Variants in MTA1 observed in about 807,000 individuals in gnomAD.
MTA1 encodes the protein metastasis-associated protein MTA1.
MTA1 carries 15 observed loss-of-function variants against 97.0 expected under a neutral mutation model. That is an observed-to-expected ratio of 0.15 (90% confidence interval 0.10 to 0.24). MTA1 has a LOEUF of 0.24. Ranked by LOEUF, MTA1 falls within the 10% of genes least tolerant of loss-of-function variation. MTA1 has a pLI of 1.00. For synonymous variants in MTA1, 435 were observed against 417.5 expected, an observed-to-expected ratio of 1.04 and a Z score of -0.51; for missense variants, 709 against 1,015.1, an observed-to-expected ratio of 0.70 and a Z score of 4.10.
intron 18 of MTA1, chr14:105,468,313 C>T: frequency 7.7e-7 from 1 of 1,304,320 alleles, no homozygotes; most frequent in Non-Finnish European, 1.0e-6. Flanking sequence ...GTGTTTCTTC[C>T]CTCTGCTGTC....
rs782029550 is a variant in MTA1, at chr14:105,450,240, C to G, written c.369-21C>G. The G allele has an allele frequency of 1.6e-5, 26 of 1,609,372 alleles. No individual in the cohort carries two copies. The East Asian group carries it at 5.8e-4, about 36-fold the overall frequency. On this transcript the variant is annotated intron_variant, in intron 5 of 20. Transcript: ENST00000331320. The stretch of plus-strand genomic sequence containing the variant: ...CTCGGGCTGCCCTCGCCTTTCCAGC[C>G]TGCCCGTCCTTCTCTTCCAGGGGCA...
chr14:105,457,937 T>TAAC (rs2083213900), intron 7 of MTA1, among the ~76,000 whole-genome samples: 1 of 150,376 alleles, frequency 6.6e-6, no homozygotes, highest in Admixed American at 6.6e-5. Flanking sequence ...AAAATAATAA[T>TAAC]AATAATAATA....
intron 15 of MTA1, 75 bp downstream of exon 15, chr14:105,464,938 C>T (rs2083506504): frequency 6.8e-7 from 1 of 1,476,622 alleles, no homozygotes; most frequent in Non-Finnish European, 9.0e-7. Context: ...GGGGCCCAGC[C>T]TGTAGCCCCA....
At position 105,420,224 on chromosome 14, in the gene MTA1, C is replaced by A. The variant is rs2081781084; in HGVS notation, c.28+161C>A. ...GAACCGCCCCCCGCCGTGCTCACCC[C>A]AACCCAAAATGGCCCCGCGGGTCGG... On this transcript the variant is annotated intron_variant, in intron 1 of 20. Transcript: ENST00000331320. This position sits in a 1 kb window ranked among gnomAD's most constrained non-coding sequence, Gnocchi z 5.3. 6.7e-6 allele frequency among the ~76,000 whole-genome samples: 1 copy of A among 148,226 alleles called. No homozygotes were observed. Among genetic ancestry groups the A allele is most frequent in the African/African-American group, 2.4e-5 (1 of 41,004 alleles).
chr14:105,427,270 G>A (rs886315094), intron 1 of MTA1, among the ~76,000 whole-genome samples: 54 of 152,360 alleles, frequency 3.5e-4, no homozygotes, highest in African/African-American at 1.1e-3. Context: ...TGGGGTGAGC[G>A]AGGCACCCTG....
At chr14:105,439,953 C>T (rs1285207680) in intron 2 of MTA1, among the ~76,000 whole-genome samples, 4 of 152,204 alleles carry the variant, frequency 2.6e-5, no homozygotes, top group Non-Finnish European at 4.4e-5. Context: ...CCACCTCTGA[C>T]GTAGCCATGC....
Position 105,424,637 on chromosome 14 carries a change from A to G in MTA1, c.28+4574A>G, listed in dbSNP as rs1172825247. Among the ~76,000 whole-genome samples, 6 of 152,088 alleles carry G rather than the reference A, an allele frequency of 3.9e-5. No homozygotes were observed. Among genetic ancestry groups the G allele is most frequent in the African/African-American group, 1.4e-4 (6 of 41,456 alleles). ...CAGCCCCCTGAGTAGCTGGGATTAC[A>G]GGTGTGCACCACCACACCTGGCTAG... On this transcript the variant is annotated intron_variant, in intron 1 of 20. Transcript: ENST00000331320. This position sits in a 1 kb window ranked among gnomAD's most constrained non-coding sequence, Gnocchi z 4.0.
At chr14:105,441,659 TG>T (rs1239468257) in intron 2 of MTA1, among the ~76,000 whole-genome samples, 2 of 152,110 alleles carry the variant, frequency 1.3e-5, no homozygotes, top group African/African-American at 4.8e-5. Context: ...CCGGGCGTGG[TG>T]GCGGGCGCCT....
rs201146537 is a variant in MTA1 at position 105,464,079 on chromosome 14, G to A, written c.1124G>A (p.Gly375Asp). Residue 375 changes from glycine to aspartate, a missense_variant, in exon 13 of 21, where the codon GGT (glycine) becomes GAT (aspartate). Gly to Asp is a moderately conservative substitution (Grantham distance 94). Transcript: ENST00000331320. The part of the protein sequence containing the change: ...NQISVNNVKA[G>D]VVNGTGAPGQ... The stretch of plus-strand genomic sequence containing the variant: ...ATCAGCGTCAACAACGTCAAGGCCG[G>A]TGTGGTGAACGGCACGGGGGCGCCG... 6.2e-7 allele frequency: 1 copy of A among 1,612,558 alleles called. No homozygotes were observed. The highest frequency in any genetic ancestry group is 1.3e-5 in the African/African-American group (1 of 75,038).
In MTA1 at chr14:105,446,099, G is replaced by A. The variant is rs1456340242; in HGVS notation, c.190+588G>A. Among the ~76,000 whole-genome samples, 201 of 152,312 alleles carry A rather than the reference G, an allele frequency of 1.3e-3. 1 individual carries two copies. The highest frequency in any genetic ancestry group is 2.8e-4 in the Non-Finnish European group (19 of 68,030). ...CCCAGCTTCTCCCCCGGGAACAGGT[G>A]CTCGCAGGTGGTGGAGTCTCCTGTG... On this transcript the variant is annotated intron_variant, in intron 3 of 20. Coordinates refer to ENST00000331320, the MANE Select transcript of MTA1 (RefSeq NM_004689.4).
intron 6 of MTA1, among the ~76,000 whole-genome samples, chr14:105,451,504 C>T (rs1555428664): frequency 6.6e-6 from 1 of 152,212 alleles, no homozygotes; most frequent in Admixed American, 6.5e-5. Context: ...CTGTGGGGGT[C>T]GCTGTGAAGG....
At chr14:105,425,582 A>T (rs1236047221) in intron 1 of MTA1, among the ~76,000 whole-genome samples, 5 of 152,142 alleles carry the variant, frequency 3.3e-5, no homozygotes, top group African/African-American at 1.2e-4. Flanking sequence ...TGCCCGGCAG[A>T]GCATTTAATA....
intron 6 of MTA1, 90 bp downstream of exon 6, chr14:105,450,414 C>T (rs1426074994): frequency 3.4e-5 from 47 of 1,395,414 alleles, no homozygotes; most frequent in East Asian, 7.2e-5. Flanking sequence ...GCGGCGGAGA[C>T]GATTTTCCCT....
chr14:105,463,121 GCCTGCATGGTGTGCCTGCCT>G lies in MTA1; in HGVS notation c.943-57_943-38del, dbSNP rs1159601150. On this transcript the variant is annotated intron_variant, in intron 10 of 20. Coordinates refer to ENST00000331320, the MANE Select transcript of MTA1 (RefSeq NM_004689.4). This position sits in a 1 kb window ranked among gnomAD's most constrained non-coding sequence, Gnocchi z 5.9. ...GCCTTCTGGCCGCAGCCCTGCCCCT[GCCTGCATGGTGTGCCTGCCT>G]CCTGCCCCTTCCTGCTTGTGTGACA... 1.2e-5 allele frequency: 18 copies of G among 1,526,156 alleles called. No individual in the cohort carries two copies. Among genetic ancestry groups the G allele is most frequent in the Non-Finnish European group, 1.6e-5 (18 of 1,109,268 alleles). 94.5% of individuals were successfully genotyped at this position (1,526,156 alleles called of 1,614,324 possible).
chr14:105,467,012 G>C, intron 18 of MTA1: 1 of 557,846 alleles, frequency 1.8e-6, no homozygotes. Flanking sequence ...GCCCCTGCCT[G>C]CGCTGTCTGC....
At chr14:105,432,496 C>T (rs2082205744) in intron 1 of MTA1, among the ~76,000 whole-genome samples, 1 of 152,146 alleles carries the variant, frequency 6.6e-6, no homozygotes, top group South Asian at 2.1e-4. Context: ...GCCTCGGCCT[C>T]CCAAAGTGCT....
At position 105,462,461 on chromosome 14, in the gene MTA1, C is replaced by T. The variant is rs1033641517; in HGVS notation, c.943-723C>T. ...GCAGGCTCCTGTAGTCCCAGCTACT[C>T]GGGAGACAGAGGCAGGAGAATCACT... On this transcript the variant is annotated intron_variant, in intron 10 of 20. Transcript: ENST00000331320. Among the ~76,000 whole-genome samples the T allele has an allele frequency of 3.3e-5, 5 of 151,820 alleles. No homozygotes were observed. In the East Asian group the frequency reaches 5.8e-4, roughly 18 times the overall value.
At chr14:105,469,632 G>A (rs1238206578) in intron 19 of MTA1, 134 bp downstream of exon 19, 22 of 1,240,548 alleles carry the variant, frequency 1.8e-5, no homozygotes, top group Middle Eastern at 2.0e-4. Flanking sequence ...CAGAGGGGCT[G>A]CAGCATGTGG....
At chr14:105,421,821 C>A (rs2081846106) in intron 1 of MTA1, among the ~76,000 whole-genome samples, 1 of 152,236 alleles carries the variant, frequency 6.6e-6, no homozygotes, top group Non-Finnish European at 1.5e-5. Context: ...GGGAGGAGCC[C>A]TTCGTGGGGC....
Sources: gnomAD v4.1 joint callset for allele counts (sites outside exome capture counted in the v4.1 genomes callset) on GRCh38, gnomAD v4.1.1 for gene constraint, Gnocchi (gnomAD v3.1) non-coding constraint, MANE v1.5 for transcripts, NCBI Gene and HGNC (gene_info 2026-07-23, HGNC 2026-07-21) for gene names.